Variants in PEAK1 observed in about 807,000 individuals in gnomAD.
PEAK1 encodes pseudopodium enriched atypical kinase 1, also known as inactive tyrosine-protein kinase PEAK1.
Under a neutral mutation model 124.7 loss-of-function variants are expected in PEAK1, and 54 were observed. The observed-to-expected ratio is 0.43, with a 90% CI of 0.35 to 0.54. The LOEUF is 0.54. Among genes scored for constraint, PEAK1 ranks in the 20% least tolerant of loss-of-function variants. The probability of loss-of-function intolerance (pLI) is 0.01; values close to 1 mark genes in which losing one functional copy is unlikely to be tolerated. For missense variants in PEAK1, 2,046 were observed against 2,134.5 expected (o/e 0.96, Z 0.82); for synonymous variants, 719 against 760.0 (o/e 0.95, Z 0.89).
intron 9 of PEAK1, among the ~76,000 whole-genome samples, chr15:77,132,125 G>C (rs2152739643): frequency 6.6e-6 from 1 of 152,112 alleles, no homozygotes; most frequent in East Asian, 2.0e-4. Flanking sequence ...TTGTTGCCCA[G>C]GCTGGAGTGC....
At chr15:77,417,526 A>C in intron 1 of PEAK1, 1 of 985,188 alleles carries the variant, frequency 1.0e-6, no homozygotes, top group Non-Finnish European at 1.2e-6. Context: ...AATAACGCTC[A>C]TCACACACAT....
At chr15:77,116,190 A>T (rs2051351174) in intron 9 of PEAK1, among the ~76,000 whole-genome samples, 1 of 152,032 alleles carries the variant, frequency 6.6e-6, no homozygotes, top group Non-Finnish European at 1.5e-5. Flanking sequence ...AAGTAAAACC[A>T]CCCCCAAATG....
chr15:77,376,402 G>A (rs1222082046), intron 1 of PEAK1, among the ~76,000 whole-genome samples: 1 of 152,046 alleles, frequency 6.6e-6, no homozygotes, highest in African/African-American at 2.4e-5. Flanking sequence ...TGGGGGGGAA[G>A]TACCTGCTCT....
intron 6 of PEAK1, among the ~76,000 whole-genome samples, chr15:77,197,140 A>C (rs1456652585): frequency 2.0e-5 from 3 of 152,054 alleles, no homozygotes; most frequent in African/African-American, 7.2e-5. Flanking sequence ...GGCATGAGCC[A>C]CCACACCCAG....
chr15:77,247,875 C>G (rs1266742653), intron 6 of PEAK1, among the ~76,000 whole-genome samples: 1 of 151,914 alleles, frequency 6.6e-6, no homozygotes, highest in East Asian at 1.9e-4. Flanking sequence ...TTTTGATTTG[C>G]CAATATTTTC....
intron 7 of PEAK1, among the ~76,000 whole-genome samples, chr15:77,160,038 A>C (rs2055492109): frequency 6.6e-6 from 1 of 152,030 alleles, no homozygotes; most frequent in African/African-American, 2.4e-5. Flanking sequence ...CTTTTCTAGC[A>C]GTCAAGAGAG....
At chr15:77,230,968 GA>G (rs1326829445) in intron 6 of PEAK1, among the ~76,000 whole-genome samples, 2 of 149,926 alleles carry the variant, frequency 1.3e-5, no homozygotes, top group African/African-American at 4.9e-5. Flanking sequence ...CATCTAAAAG[GA>G]AAAAAAAAGA....
intron 1 of PEAK1, chr15:77,402,168 G>A (rs1225811060): frequency 1.7e-5 from 15 of 865,496 alleles, no homozygotes; most frequent in African/African-American, 2.0e-5. Flanking sequence ...CTCCACCTCG[G>A]AAAAAAAAAA....
chr15:77,332,106 A>G (rs1207108634), intron 2 of PEAK1: 1 of 772,732 alleles, frequency 1.3e-6, no homozygotes, highest in East Asian at 1.3e-4. Flanking sequence ...CCTGGGTGAC[A>G]CAGCAAGACT....
chr15:77,379,887 C>A (rs753248006), intron 1 of PEAK1, among the ~76,000 whole-genome samples: 4 of 152,146 alleles, frequency 2.6e-5, no homozygotes, highest in Non-Finnish European at 4.4e-5. Flanking sequence ...ATCCAAAATG[C>A]TGGTTTTCAA....
chr15:77,298,960 A>G (rs978428796), intron 2 of PEAK1, among the ~76,000 whole-genome samples: 17 of 152,160 alleles, frequency 1.1e-4, no homozygotes, highest in Admixed American at 4.6e-4. Flanking sequence ...TTGTGGGTAC[A>G]AAGTGGTGCT....
rs141213983 is a variant in PEAK1, at chr15:77,332,120, T to C, written c.-603+33043A>G. 139 of 850,774 alleles carry C rather than the reference T, an allele frequency of 1.6e-4. 3 individuals carry two copies. The East Asian group carries it at 0.014, about 83-fold the overall frequency. 52.7% of individuals were successfully genotyped at this position (850,774 alleles called of 1,614,324 possible). A position where few individuals can be genotyped will look rare whatever the true frequency, so the allele number is the denominator to read the frequency against. ...GCCTGGGTGACACAGCAAGACTCCA[T>C]CTCAAAAAAATATAAAAATAAATTT... On this transcript the variant is annotated intron_variant, in intron 2 of 9. Coordinates refer to ENST00000682557, the MANE Select transcript of PEAK1 (RefSeq NM_001385026.1).
At chr15:77,184,125 C>T (rs114698024) in intron 6 of PEAK1, among the ~76,000 whole-genome samples, 3,364 of 151,600 alleles carry the variant, frequency 0.022, 104 homozygotes, top group African/African-American at 0.071. Context: ...GACACTGTGC[C>T]CAGCCAAAGA....
chr15:77,311,877 G>A (rs1011054603), intron 2 of PEAK1, among the ~76,000 whole-genome samples: 27 of 151,930 alleles, frequency 1.8e-4, no homozygotes, highest in African/African-American at 6.3e-4. Context: ...CTTTACACTA[G>A]AGACTATGCA....
At chr15:77,136,809 G>A (rs143580791) in intron 8 of PEAK1, among the ~76,000 whole-genome samples, 3,368 of 152,294 alleles carry the variant, frequency 0.022, 104 homozygotes, top group African/African-American at 0.07. Flanking sequence ...CATAAGTAAC[G>A]AGGAGCTGAA....
chr15:77,271,805 T>C (rs2062048367), intron 5 of PEAK1, among the ~76,000 whole-genome samples: 1 of 152,142 alleles, frequency 6.6e-6, no homozygotes, highest in East Asian at 1.9e-4. Context: ...CGGGGAGGGA[T>C]AGCATTAGGA....
intron 8 of PEAK1, among the ~76,000 whole-genome samples, chr15:77,142,301 A>T (rs1371814851): frequency 1.3e-5 from 2 of 152,236 alleles, no homozygotes; most frequent in Non-Finnish European, 2.9e-5. Context: ...CTGTAATAAA[A>T]CACACAGGCA....
intron 8 of PEAK1, among the ~76,000 whole-genome samples, chr15:77,147,540 C>A (rs2054258377): frequency 6.6e-6 from 1 of 152,156 alleles, no homozygotes; most frequent in East Asian, 1.9e-4. Context: ...ACAGTGATCT[C>A]TGTCTATTTT....
chr15:77,295,132 T>C (rs1464367893), intron 2 of PEAK1, among the ~76,000 whole-genome samples: 1 of 152,168 alleles, frequency 6.6e-6, no homozygotes, highest in East Asian at 1.9e-4. Context: ...TGACTAAGCT[T>C]ATAAAAAGTA....
Sources: allele counts gnomAD v4.1 joint callset (sites outside exome capture counted in the v4.1 genomes callset), GRCh38; gene constraint gnomAD v4.1.1; transcripts MANE v1.5; gene names NCBI Gene and HGNC (gene_info 2026-07-23, HGNC 2026-07-21).